The following PALS1 variants were observed in gnomAD, a reference collection of about 807,000 sequenced individuals.
PALS1 encodes protein associated with LIN7 1, MAGUK p55 family member.
PALS1 carries 31 observed loss-of-function variants against 78.9 expected under a neutral mutation model. That is an observed-to-expected ratio of 0.39 (90% CI 0.30 to 0.53). The LOEUF (loss-of-function observed/expected upper bound fraction) is 0.53. Among genes scored for constraint, PALS1 ranks in the 20% least tolerant of loss-of-function variants. The probability of loss-of-function intolerance (pLI) is 0.67; values close to 1 mark genes in which losing one functional copy is unlikely to be tolerated. For missense variants in PALS1, 704 were observed against 826.5 expected, an observed-to-expected ratio of 0.85 and a Z score of 1.82; for synonymous variants, 276 against 270.9, an observed-to-expected ratio of 1.02 and a Z score of -0.18.
chr14:67,249,376 A>C (rs958839199), intron 1 of PALS1, among the ~76,000 whole-genome samples: 5 of 152,242 alleles, frequency 3.3e-5, no homozygotes, highest in African/African-American at 1.2e-4. Flanking sequence ...GCCAAGCCTC[A>C]CTTTTCTCAC....
At position 67,317,588 on chromosome 14, in the gene PALS1, A is replaced by G; in HGVS notation, c.1369+109A>G. The G allele has an allele frequency of 4.5e-6, 3 of 672,268 alleles. No homozygotes were observed. In the South Asian group the frequency reaches 6.9e-5, roughly 16 times the overall value. 41.6% of individuals were successfully genotyped at this position (672,268 alleles called of 1,614,324 possible). A position where few individuals can be genotyped will look rare whatever the true frequency, so the allele number is the denominator to read the frequency against. The stretch of plus-strand genomic sequence containing the variant: ...TGTGCTTGAGAAAATCATTTAGTAG[A>G]AAGTATTTTCTTTTGGAATCCTGTG... On this transcript the variant is annotated intron_variant, in intron 11 of 14. Coordinates refer to ENST00000261681, the MANE Select transcript of PALS1 (RefSeq NM_022474.4).
chr14:67,292,831 G>C, intron 4 of PALS1, 112 bp downstream of exon 4: 1 of 764,454 alleles, frequency 1.3e-6, no homozygotes, highest in South Asian at 2.3e-5. Context: ...ATTAATTACT[G>C]TTAATTACAT....
chr14:67,274,326 C>T (rs925792085), intron 2 of PALS1, among the ~76,000 whole-genome samples: 5 of 152,200 alleles, frequency 3.3e-5, no homozygotes, highest in Non-Finnish European at 5.9e-5. Context: ...GATCCAGTTT[C>T]AGCTTTCTAC....
intron 2 of PALS1, among the ~76,000 whole-genome samples, chr14:67,277,890 A>G (rs2084530940): frequency 6.6e-6 from 1 of 152,182 alleles, no homozygotes; most frequent in African/African-American, 2.4e-5. Context: ...TCATAAAACT[A>G]GAGGATTAAA....
chr14:67,292,498 C>T lies in PALS1; in HGVS notation c.368-13C>T. 1 of 1,558,862 alleles carries T rather than the reference C, an allele frequency of 6.4e-7. No individual in the cohort carries two copies. Among genetic ancestry groups the T allele is most frequent in the South Asian group, 1.1e-5 (1 of 88,746 alleles). Reference sequence around the variant, plus strand: ...AACAGTTAATTTTTGGATACCTTTTCTTCTTCTACTAGAAATAGAAGACTT... The same window carrying T: ...AACAGTTAATTTTTGGATACCTTTTTTTCTTCTACTAGAAATAGAAGACTT... On this transcript the variant is annotated splice_polypyrimidine_tract_variant and intron_variant, in intron 3 of 14. Transcript: ENST00000261681.
rs1278232299 is a variant in PALS1 at position 67,324,741 on chromosome 14, T to C, written c.1851+929T>C. ...CTGGGACTATAGCCATGCACCACCA[T>C]GCCTGGCTAATTTTTTATGTATTTT... On this transcript the variant is annotated intron_variant, in intron 14 of 14. Transcript: ENST00000261681. Among the ~76,000 whole-genome samples the C allele has an allele frequency of 2.6e-5, 4 of 152,038 alleles. No homozygotes were observed. In the East Asian group the frequency reaches 5.8e-4, roughly 22 times the overall value.
intron 14 of PALS1, among the ~76,000 whole-genome samples, chr14:67,331,882 G>A (rs1324686568): frequency 6.6e-6 from 1 of 151,182 alleles, no homozygotes; most frequent in East Asian, 2.0e-4. Flanking sequence ...TAGATTCCCT[G>A]CTGGGAACAA....
chr14:67,305,224 T>C (rs1190209064), intron 8 of PALS1, among the ~76,000 whole-genome samples: 1 of 152,150 alleles, frequency 6.6e-6, no homozygotes, highest in Non-Finnish European at 1.5e-5. Context: ...TTATCTACAA[T>C]AATCCATCCC....
chr14:67,317,575 A>G, intron 11 of PALS1, 96 bp downstream of exon 11: 1 of 741,654 alleles, frequency 1.3e-6, no homozygotes, highest in East Asian at 3.0e-5. Flanking sequence ...TGCTTGAGAA[A>G]ATCATTTAGT....
At position 67,335,741 on chromosome 14, in the gene PALS1, ACT is replaced by A. The variant is rs1000544136; in HGVS notation, c.*2786_*2787del. The A allele has an allele frequency of 2.0e-5, 3 of 152,564 alleles. No homozygotes were observed. Among genetic ancestry groups the A allele is most frequent in the East Asian group, 1.9e-4 (1 of 5,204 alleles). The allele number at this position is 152,564 out of a possible 1,614,324, so 9.5% of individuals were successfully genotyped here. On this transcript the variant is annotated 3_prime_UTR_variant, in exon 15 of 15. Transcript: ENST00000261681. ...CTTTGTACTCTTTTCCTGTATCTGC[ACT>A]GTTATTTTGAGATGTCATACTGTAC...
chr14:67,259,661 A>C (rs1244191613), intron 1 of PALS1, among the ~76,000 whole-genome samples: 1 of 152,050 alleles, frequency 6.6e-6, no homozygotes, highest in Non-Finnish European at 1.5e-5. Context: ...CTGTAATCCC[A>C]GCGCCCTGAG....
chr14:67,318,779 C>T lies in PALS1; in HGVS notation c.1369+1300C>T, dbSNP rs534824791. Among the ~76,000 whole-genome samples, 5 of 152,124 alleles carry T rather than the reference C, an allele frequency of 3.3e-5. No homozygotes were observed. In the East Asian group the frequency reaches 5.8e-4, roughly 18 times the overall value. ...ATAGATTCAAGTTTAGATATTAGGC[C>T]GGGCGCGGTGGGTCATGCCTGTAAT... On this transcript the variant is annotated intron_variant, in intron 11 of 14. Coordinates refer to ENST00000261681, the MANE Select transcript of PALS1 (RefSeq NM_022474.4).
chr14:67,279,456 A>G lies in PALS1; in HGVS notation c.286A>G (p.Lys96Glu), dbSNP rs1595580259. ...RLKKLAQIPPKTGIDNPMFDT... is the reference protein window; with the variant it reads ...RLKKLAQIPPETGIDNPMFDT... ...TAAGAAACTAGCCCAAATTCCTCCAAAGACCGGAATAGATAACCCTATGTT... is the reference window on the plus strand; with the variant it reads ...TAAGAAACTAGCCCAAATTCCTCCAGAGACCGGAATAGATAACCCTATGTT... Residue 96 changes from lysine to glutamate, a missense_variant, in exon 3 of 15, where the codon AAG (lysine) becomes GAG (glutamate). Transcript: ENST00000261681. 1.9e-6 allele frequency: 3 copies of G among 1,613,004 alleles called. No individual in the cohort carries two copies. The highest frequency in any genetic ancestry group is 4.5e-5 in the East Asian group (2 of 44,886).
At chr14:67,253,322 T>A (rs1406769788) in intron 1 of PALS1, among the ~76,000 whole-genome samples, 1 of 152,228 alleles carries the variant, frequency 6.6e-6, no homozygotes, top group East Asian at 1.9e-4. Flanking sequence ...TGTTATAGTC[T>A]GAGGTAATGA....
intron 14 of PALS1, among the ~76,000 whole-genome samples, chr14:67,330,466 T>TC (rs2141055418): frequency 6.6e-6 from 1 of 150,418 alleles, no homozygotes; most frequent in South Asian, 2.1e-4. Context: ...TTTTTTTTTT[T>TC]TTTTTTTTTG....
rs2084958654 is a variant in PALS1 at position 67,303,538 on chromosome 14, C to T, written c.980C>T (p.Thr327Ile). The T allele has an allele frequency of 1.2e-6, 2 of 1,613,416 alleles. No individual in the cohort carries two copies. The highest frequency in any genetic ancestry group is 2.7e-5 in the African/African-American group (2 of 75,024). Residue 327 changes from threonine (T) to isoleucine (I), a missense_variant, in exon 8 of 15, where the codon ACT (threonine) becomes ATT (isoleucine). Physicochemically the swap from Thr to Ile is moderately conservative, Grantham distance 89. Coordinates refer to ENST00000261681, the MANE Select transcript of PALS1 (RefSeq NM_022474.4). ...CTATTACAGTCTGATATGCATGGTA[C>T]TTTGACTTTTGTCCTGATTCCCAGT... ...VFDLLSDMHGTLTFVLIPSQQ... is the reference protein window; with the variant it reads ...VFDLLSDMHGILTFVLIPSQQ...
chr14:67,243,454 C>T (rs1229836195), intron 1 of PALS1, among the ~76,000 whole-genome samples: 1 of 148,262 alleles, frequency 6.7e-6, no homozygotes, highest in Admixed American at 6.9e-5. Flanking sequence ...TCCTGAAATG[C>T]TGGGATTACA....
intron 1 of PALS1, among the ~76,000 whole-genome samples, chr14:67,264,605 T>C (rs1163635860): frequency 6.6e-6 from 1 of 152,202 alleles, no homozygotes; most frequent in African/African-American, 2.4e-5. Flanking sequence ...AGATATCCAG[T>C]GTGGAAATAA....
At chr14:67,264,741 ATTGT>A (rs2084292507) in intron 1 of PALS1, among the ~76,000 whole-genome samples, 1 of 152,136 alleles carries the variant, frequency 6.6e-6, no homozygotes, top group Non-Finnish European at 1.5e-5. Context: ...TCCCAAAGCC[ATTGT>A]ATGGCCTAGA....
Sources: allele counts gnomAD v4.1 joint callset (sites outside exome capture counted in the v4.1 genomes callset), GRCh38; gene constraint gnomAD v4.1.1; transcripts MANE v1.5; gene names NCBI Gene and HGNC (gene_info 2026-07-23, HGNC 2026-07-21).